The following SIRT4 variants were observed in gnomAD, a reference collection of about 807,000 sequenced individuals.
SIRT4 encodes NAD-dependent protein lipoamidase sirtuin-4, mitochondrial.
SIRT4 carries 23 observed loss-of-function variants against 26.1 expected under a neutral mutation model. The observed-to-expected ratio is 0.88, with a 90% CI of 0.63 to 1.25. The LOEUF is 1.25. Among genes scored for constraint, SIRT4 ranks in the 50% most tolerant of loss-of-function variants. The pLI is 0.00. For synonymous variants in SIRT4, 155 were observed against 158.4 expected (o/e 0.98, Z 0.16); for missense variants, 361 against 405.4 (o/e 0.89, Z 0.94).
intron 1 of SIRT4, 108 bp from the exon 2 acceptor site, chr12:120,303,453 C>T (rs746435274): frequency 1.0e-5 from 13 of 1,279,942 alleles, no homozygotes; most frequent in South Asian, 1.5e-5. Context: ...CTAGCCTGGG[C>T]AACAGAGGGA....
chr12:120,292,984 T>TTC, the SIRT4 span: 1 of 152,136 alleles, frequency 6.6e-6, no homozygotes, highest in South Asian at 2.1e-4. Flanking sequence ...GGTAAGACAC[T>TTC]TCCCCATCTC....
intron 2 of SIRT4, among the ~76,000 whole-genome samples, chr12:120,308,464 C>CAT (rs1252908805): frequency 5.9e-5 from 9 of 151,484 alleles, no homozygotes; most frequent in Non-Finnish European, 1.2e-4. Context: ...TGAGCCACAG[C>CAT]GCCTGCCCCA....
chr12:120,292,207 C>T, the SIRT4 span, among the ~76,000 whole-genome samples: 1 of 152,136 alleles, frequency 6.6e-6, no homozygotes. Flanking sequence ...GGAAAGCGAG[C>T]CTGGAGGGCG....
intron 2 of SIRT4, among the ~76,000 whole-genome samples, chr12:120,306,361 G>T (rs993781119): frequency 1.3e-4 from 20 of 151,894 alleles, no homozygotes; most frequent in African/African-American, 4.1e-4. Flanking sequence ...TGTAATCCTA[G>T]CGACTCGGGA....
chr12:120,308,494 A>C (rs1187055643), intron 2 of SIRT4, among the ~76,000 whole-genome samples: 1 of 151,494 alleles, frequency 6.6e-6, no homozygotes, highest in African/African-American at 2.4e-5. Flanking sequence ...TTATGGGTAC[A>C]GGGGGCTTGA....
intron 2 of SIRT4, among the ~76,000 whole-genome samples, chr12:120,305,096 G>C (rs1872701983): frequency 6.6e-6 from 1 of 151,404 alleles, no homozygotes; most frequent in Non-Finnish European, 1.5e-5. Context: ...AGAGGTTGCA[G>C]TGAGCTGAGA....
intron 2 of SIRT4, among the ~76,000 whole-genome samples, chr12:120,304,723 G>C (rs1032800241): frequency 1.3e-5 from 2 of 150,494 alleles, no homozygotes; most frequent in African/African-American, 4.9e-5. Context: ...GCTGAGGCAG[G>C]AAGATTGCTT....
chr12:120,312,005 G>A (rs1371187704), intron 2 of SIRT4, among the ~76,000 whole-genome samples: 1 of 151,134 alleles, frequency 6.6e-6, no homozygotes, highest in Non-Finnish European at 1.5e-5. Flanking sequence ...TTGATGGGCT[G>A]GGCGCAGTGG....
At chr12:120,305,069 G>A (rs1036972939) in intron 2 of SIRT4, among the ~76,000 whole-genome samples, 5 of 151,148 alleles carry the variant, frequency 3.3e-5, no homozygotes, top group East Asian at 2.0e-4. Flanking sequence ...CAGGAGAATC[G>A]CTTGAACCTG....
rs576901581 is a variant in SIRT4, at chr12:120,310,992, C to T, written c.498-1464C>T. ...CCTCGTGATCCGCCCGCCTCGGCCT[C>T]CCAAAGTGTTGGGATTACAGGCGTG... is the stretch of plus-strand genomic sequence containing the variant. On this transcript the variant is annotated intron_variant, in intron 2 of 3. Transcript: ENST00000202967. 4.2e-3 allele frequency among the ~76,000 whole-genome samples: 617 copies of T among 145,236 alleles called. 2 individuals are homozygous for T. The highest frequency in any genetic ancestry group is 6.4e-3 in the Non-Finnish European group (421 of 66,158).
chr12:120,304,324 C>T (rs12424555), intron 2 of SIRT4, among the ~76,000 whole-genome samples: 8,700 of 152,214 alleles, frequency 0.057, 382 homozygotes, highest in Admixed American at 0.15. Flanking sequence ...CTCCAACTGT[C>T]TAGGACATGC....
chr12:120,296,036 G>C, the SIRT4 span, among the ~76,000 whole-genome samples: 1 of 116,204 alleles, frequency 8.6e-6, no homozygotes, highest in African/African-American at 3.4e-5. Context: ...GCCATGAGCT[G>C]AGATCATGCC....
chr12:120,309,328 T>A (rs1268714635), intron 2 of SIRT4, among the ~76,000 whole-genome samples: 1 of 152,138 alleles, frequency 6.6e-6, no homozygotes, highest in East Asian at 1.9e-4. Context: ...TTTTGTCATG[T>A]CTACTTTATC....
the SIRT4 span, among the ~76,000 whole-genome samples, chr12:120,295,308 GGGTTCAGGT>G: frequency 6.8e-6 from 1 of 148,014 alleles, no homozygotes; most frequent in Non-Finnish European, 1.5e-5. Context: ...TCTGCCTCCT[GGGTTCAGGT>G]GATTCTCCTG....
the SIRT4 span, among the ~76,000 whole-genome samples, chr12:120,293,767 T>G: frequency 6.6e-6 from 1 of 152,126 alleles, no homozygotes; most frequent in Admixed American, 6.6e-5. Context: ...CTGTACCCAT[T>G]AAACCCTTAC....
At chr12:120,291,880 A>G in the SIRT4 span, 1 of 152,140 alleles carries the variant, frequency 6.6e-6, no homozygotes, top group African/African-American at 2.4e-5. Context: ...CTCATTGGCT[A>G]CGATACTGCC....
upstream of SIRT4, among the ~76,000 whole-genome samples, chr12:120,297,337 AAAAAGAG>A (rs1217725036): frequency 1.2e-3 from 183 of 148,458 alleles, 1 homozygote; most frequent in African/African-American, 4.2e-3. Flanking sequence ...AAAAAAAAAA[AAAAAGAG>A]AGAGAGAAAA....
At chr12:120,308,882 T>G (rs1272939099) in intron 2 of SIRT4, among the ~76,000 whole-genome samples, 2 of 152,018 alleles carry the variant, frequency 1.3e-5, no homozygotes, top group African/African-American at 4.8e-5. Context: ...TTAAAACAAT[T>G]TTTTCCGCCG....
At chr12:120,301,377 C>G (rs1472362987), upstream of SIRT4, among the ~76,000 whole-genome samples, 1 of 152,150 alleles carries the variant, frequency 6.6e-6, no homozygotes, top group Non-Finnish European at 1.5e-5. Context: ...ACAACAACAA[C>G]AACAAACTAT....
Sources: allele counts gnomAD v4.1 joint callset (sites outside exome capture counted in the v4.1 genomes callset), GRCh38; gene constraint gnomAD v4.1.1; transcripts MANE v1.5; gene names NCBI Gene and HGNC (gene_info 2026-07-23, HGNC 2026-07-21).